CDH18: variants seen among roughly 807,000 people sequenced by gnomAD.
CDH18 encodes the protein cadherin 18.
CDH18 carries 31 observed loss-of-function variants against 67.9 expected under a neutral mutation model. The ratio of observed to expected loss-of-function variants is 0.46; its 90% CI spans 0.34 to 0.62. The LOEUF is 0.62. Ranked by LOEUF, CDH18 falls within the 20% of genes least tolerant of loss-of-function variation. The probability of loss-of-function intolerance (pLI) is 0.01; values close to 1 mark genes in which losing one functional copy is unlikely to be tolerated. For missense variants in CDH18, 890 were observed against 975.5 expected, an observed-to-expected ratio of 0.91 and a Z score of 1.17; for synonymous variants, 362 against 347.2, an observed-to-expected ratio of 1.04 and a Z score of -0.48.
At chr5:20,288,440 A>C (rs1746850080) in intron 1 of CDH18, among the ~76,000 whole-genome samples, 1 of 124,804 alleles carries the variant, frequency 8.0e-6, no homozygotes. Flanking sequence ...GCTTCAAAAA[A>C]TACGATATAT....
At chr5:19,855,030 C>T (rs1284394537) in intron 2 of CDH18, among the ~76,000 whole-genome samples, 4 of 151,826 alleles carry the variant, frequency 2.6e-5, no homozygotes, top group Non-Finnish European at 5.9e-5. Flanking sequence ...ATAATGTCCT[C>T]CAGGTCCTCC....
chr5:19,511,927 C>T (rs1173648238), intron 10 of CDH18, among the ~76,000 whole-genome samples: 2 of 152,098 alleles, frequency 1.3e-5, no homozygotes, highest in Non-Finnish European at 2.9e-5. Context: ...GAAAATGTCT[C>T]CAGGGTATGT....
At chr5:19,505,139 A>T (rs1023637219) in intron 10 of CDH18, among the ~76,000 whole-genome samples, 27 of 151,644 alleles carry the variant, frequency 1.8e-4, no homozygotes, top group African/African-American at 6.6e-4. Context: ...TAAGAGAGAA[A>T]CTCCTTGTGA....
At chr5:20,176,912 A>G (rs981381964) in intron 2 of CDH18, among the ~76,000 whole-genome samples, 1 of 152,146 alleles carries the variant, frequency 6.6e-6, no homozygotes, top group African/African-American at 2.4e-5. Flanking sequence ...AAATGTTTGC[A>G]CAGCCCTAGA....
At chr5:19,645,660 A>T (rs1754632812) in intron 5 of CDH18, among the ~76,000 whole-genome samples, 1 of 152,114 alleles carries the variant, frequency 6.6e-6, no homozygotes, top group Admixed American at 6.5e-5. Context: ...GTGTCATTTC[A>T]TTCTGGAATC....
At chr5:20,272,704 A>G (rs1183871384) in intron 1 of CDH18, among the ~76,000 whole-genome samples, 1 of 152,058 alleles carries the variant, frequency 6.6e-6, no homozygotes, top group African/African-American at 2.4e-5. Flanking sequence ...GTTTGATTCC[A>G]AAGTCCATTC....
At chr5:20,177,766 A>C (rs1737356103) in intron 2 of CDH18, among the ~76,000 whole-genome samples, 1 of 151,950 alleles carries the variant, frequency 6.6e-6, no homozygotes, top group African/African-American at 2.4e-5. Flanking sequence ...CCCCATACTG[A>C]TCTCAGGGTA....
intron 7 of CDH18, among the ~76,000 whole-genome samples, chr5:19,586,594 T>C (rs1275988173): frequency 6.6e-6 from 1 of 152,204 alleles, no homozygotes; most frequent in African/African-American, 2.4e-5. Flanking sequence ...ACATTATCTT[T>C]ACCTAGTCTA....
intron 1 of CDH18, among the ~76,000 whole-genome samples, chr5:20,530,089 C>A (rs1756308754): frequency 6.6e-6 from 1 of 151,730 alleles, no homozygotes; most frequent in South Asian, 2.1e-4. Context: ...TCCTTTATAC[C>A]AACAAGAGAC....
At chr5:20,233,528 CTATACAT>C (rs1476838809) in intron 2 of CDH18, among the ~76,000 whole-genome samples, 1 of 151,902 alleles carries the variant, frequency 6.6e-6, no homozygotes, top group Non-Finnish European at 1.5e-5. Context: ...GAGAAATACA[CTATACAT>C]TGTATGTAAT....
intron 9 of CDH18, among the ~76,000 whole-genome samples, chr5:19,523,515 C>A (rs1173400042): frequency 6.8e-6 from 1 of 148,074 alleles, no homozygotes. Flanking sequence ...TAAAAATAGG[C>A]AAATATTAAT....
chr5:19,952,617 C>T (rs1795908357), intron 2 of CDH18, among the ~76,000 whole-genome samples: 2 of 152,054 alleles, frequency 1.3e-5, no homozygotes, highest in South Asian at 2.1e-4. Context: ...TATTAATATC[C>T]TTAAAAATAA....
chr5:19,680,469 T>A (rs567760634), intron 5 of CDH18, among the ~76,000 whole-genome samples: 3 of 151,872 alleles, frequency 2.0e-5, no homozygotes, highest in Non-Finnish European at 4.4e-5. Flanking sequence ...CAAAACAAAA[T>A]AAACAGAGTA....
At chr5:19,839,798 G>T (rs1296031614) in intron 2 of CDH18, among the ~76,000 whole-genome samples, 1 of 151,924 alleles carries the variant, frequency 6.6e-6, no homozygotes, top group Non-Finnish European at 1.5e-5. Context: ...ATCTACCCCG[G>T]GTATGAACTT....
intron 3 of CDH18, among the ~76,000 whole-genome samples, chr5:19,808,763 G>A (rs1376504167): frequency 6.7e-6 from 1 of 149,818 alleles, no homozygotes; most frequent in African/African-American, 2.5e-5. Context: ...CCCGGGAGGT[G>A]GAGCTTGTGG....
chr5:20,567,112 A>G (rs1758556689), intron 1 of CDH18, among the ~76,000 whole-genome samples: 1 of 152,206 alleles, frequency 6.6e-6, no homozygotes, highest in African/African-American at 2.4e-5. Flanking sequence ...CAGAAAGCAC[A>G]GCAGTTATTT....
intron 5 of CDH18, among the ~76,000 whole-genome samples, chr5:19,712,818 T>C (rs1764875962): frequency 6.6e-6 from 1 of 151,666 alleles, no homozygotes; most frequent in South Asian, 2.1e-4. Context: ...TCATTGTACA[T>C]ATCTAAGATA....
rs537817596 is a variant in CDH18 at position 20,025,246 on chromosome 5, A to G, written c.-517-33232T>C. ...AGATCTTAGTACACTGTAAGTATTC[A>G]TTTGTGGTCTGTGTTCCCACTTGGT... On this transcript the variant is annotated intron_variant, in intron 2 of 14. Coordinates refer to the CDH18 transcript ENST00000507958. Among the ~76,000 whole-genome samples the G allele has an allele frequency of 2.6e-5, 4 of 152,214 alleles. No individual in the cohort carries two copies. In the South Asian group the frequency reaches 8.3e-4, roughly 32 times the overall value.
chr5:20,333,025 C>T (rs1739322543), intron 1 of CDH18, among the ~76,000 whole-genome samples: 2 of 149,772 alleles, frequency 1.3e-5, no homozygotes, highest in Non-Finnish European at 2.9e-5. Context: ...AAACTCCACA[C>T]TGATAAGGAA....
Sources: allele counts gnomAD v4.1 joint callset (sites outside exome capture counted in the v4.1 genomes callset), GRCh38; gene constraint gnomAD v4.1.1; transcripts MANE v1.5; gene names NCBI Gene and HGNC (gene_info 2026-07-23, HGNC 2026-07-21).